NEGR1: variants seen among roughly 807,000 people sequenced by gnomAD.
NEGR1 encodes the protein neuronal growth regulator 1.
In NEGR1, 10 loss-of-function variants were observed where a neutral mutation model predicts 40.9. That is an observed-to-expected ratio of 0.24 (90% confidence interval 0.15 to 0.42). The LOEUF is 0.42. NEGR1 is among the 10% of genes least tolerant of loss of function. The pLI is 1.00. For missense variants in NEGR1, 352 were observed against 438.9 expected, an observed-to-expected ratio of 0.80 and a Z score of 1.77; for synonymous variants, 185 against 166.8, an observed-to-expected ratio of 1.11 and a Z score of -0.84.
In NEGR1 at chr1:71,611,138, T is replaced by C. The variant is rs747152886; in HGVS notation, c.676A>G (p.Thr226Ala). The C allele has an allele frequency of 1.8e-5, 29 of 1,613,512 alleles. No individual in the cohort carries two copies. The highest frequency in any genetic ancestry group is 2.4e-5 in the Non-Finnish European group (28 of 1,179,786). ...KVKVVVNFAP[T>A]IQEIKSGTVT... is the part of the protein sequence containing the mutation. ...GTGCCAGATTTAATTTCCTGAATAG[T>C]AGGAGCAACTGCAAAAGAAACAAAC... is the stretch of plus-strand genomic sequence containing the variant. Residue 226 changes from threonine (T) to alanine (A), a missense_variant, in exon 5 of 7, where the codon ACT becomes GCT. By Grantham distance (58) the Thr-to-Ala change is moderately conservative (BLOSUM62 0). Around this residue, in one of 5 missense-constraint regions of NEGR1, gnomAD observed 184 missense variants for 208.7 expected, o/e 0.88. Transcript: ENST00000357731.
At chr1:72,174,446 G>A (rs1480744548) in intron 1 of NEGR1, among the ~76,000 whole-genome samples, 1 of 152,130 alleles carries the variant, frequency 6.6e-6, no homozygotes. Flanking sequence ...TAGTATTATA[G>A]AGCAGGGAAA....
At chr1:71,482,237 T>C (rs193052054) in intron 6 of NEGR1, among the ~76,000 whole-genome samples, 8 of 151,980 alleles carry the variant, frequency 5.3e-5, no homozygotes, top group East Asian at 3.9e-4. Context: ...AAAGCAGAAC[T>C]ATATTAATAT....
intron 2 of NEGR1, chr1:71,798,359 A>G (rs1657417145): frequency 6.6e-6 from 1 of 152,160 alleles, no homozygotes; most frequent in African/African-American, 2.4e-5. Flanking sequence ...GGTTAAACAT[A>G]AAAAAATGAC....
At chr1:72,264,104 G>A (rs1384025917) in intron 1 of NEGR1, among the ~76,000 whole-genome samples, 8 of 151,330 alleles carry the variant, frequency 5.3e-5, no homozygotes, top group African/African-American at 1.5e-4. Flanking sequence ...CACTGAAAAT[G>A]AAATAAAATC....
intron 1 of NEGR1, among the ~76,000 whole-genome samples, chr1:72,165,268 C>A (rs952339243): frequency 6.6e-6 from 1 of 151,872 alleles, no homozygotes; most frequent in African/African-American, 2.4e-5. Flanking sequence ...TAGCGGTGAA[C>A]CATATTTTGA....
chr1:72,124,827 A>G (rs1649947304), intron 1 of NEGR1, among the ~76,000 whole-genome samples: 1 of 152,088 alleles, frequency 6.6e-6, no homozygotes, highest in South Asian at 2.1e-4. Flanking sequence ...TTCACCATTA[A>G]AAATATTGGT....
At chr1:71,853,747 G>A (rs1235840891) in intron 2 of NEGR1, among the ~76,000 whole-genome samples, 3 of 152,102 alleles carry the variant, frequency 2.0e-5, no homozygotes, top group Non-Finnish European at 4.4e-5. Flanking sequence ...CAGCCATAAA[G>A]TTTTTGTTAT....
chr1:71,963,658 G>GA (rs1646186974), intron 1 of NEGR1, among the ~76,000 whole-genome samples: 1 of 152,110 alleles, frequency 6.6e-6, no homozygotes, highest in Non-Finnish European at 1.5e-5. Context: ...AATATACAGA[G>GA]AGAGTGTGAA....
At chr1:71,434,453 G>A (rs1646492901) in intron 6 of NEGR1, among the ~76,000 whole-genome samples, 1 of 152,152 alleles carries the variant, frequency 6.6e-6, no homozygotes, top group African/African-American at 2.4e-5. Flanking sequence ...GAGCTTGAGT[G>A]ATGAGTATCT....
chr1:72,181,540 A>T (rs1208852798), intron 1 of NEGR1, among the ~76,000 whole-genome samples: 1 of 152,158 alleles, frequency 6.6e-6, no homozygotes, highest in East Asian at 1.9e-4. Flanking sequence ...GAACCACCAT[A>T]TGATGCAGAA....
At chr1:71,680,395 A>G (rs1434105648) in intron 4 of NEGR1, among the ~76,000 whole-genome samples, 1 of 151,892 alleles carries the variant, frequency 6.6e-6, no homozygotes, top group South Asian at 2.1e-4. Context: ...CAATTTATTG[A>G]TTGTTATTAA....
chr1:71,770,798 C>CAACAAATG (rs1038672454), intron 3 of NEGR1, among the ~76,000 whole-genome samples: 1 of 152,094 alleles, frequency 6.6e-6, no homozygotes, highest in Non-Finnish European at 1.5e-5. Flanking sequence ...AGTCAGGAAA[C>CAACAAATG]AACAAATGCT....
At chr1:72,168,702 C>A (rs936782291) in intron 1 of NEGR1, among the ~76,000 whole-genome samples, 3 of 151,942 alleles carry the variant, frequency 2.0e-5, no homozygotes, top group Non-Finnish European at 4.4e-5. Context: ...CAAGCCTGGG[C>A]AACAAGGCAA....
chr1:71,677,767 G>A (rs895402867), intron 4 of NEGR1, among the ~76,000 whole-genome samples: 1 of 152,158 alleles, frequency 6.6e-6, no homozygotes, highest in African/African-American at 2.4e-5. Context: ...GAGAAAGTTA[G>A]TGAGGCTGGA....
intron 1 of NEGR1, among the ~76,000 whole-genome samples, chr1:72,266,106 T>A (rs920808293): frequency 6.6e-6 from 1 of 150,866 alleles, no homozygotes; most frequent in Non-Finnish European, 1.5e-5. Context: ...ATATTAACAT[T>A]TTCTGGGAGT....
At chr1:72,135,891 C>T (rs1428292843) in intron 1 of NEGR1, among the ~76,000 whole-genome samples, 2 of 152,156 alleles carry the variant, frequency 1.3e-5, no homozygotes, top group East Asian at 3.8e-4. Flanking sequence ...TCACAAGGCA[C>T]CTACACATAT....
chr1:71,604,693 A>G (rs1029271444), intron 5 of NEGR1, among the ~76,000 whole-genome samples: 2 of 152,136 alleles, frequency 1.3e-5, no homozygotes, highest in African/African-American at 2.4e-5. Context: ...CATATTCTAC[A>G]AGGTTGACTT....
rs79085555 is a variant in NEGR1, at chr1:71,524,143, G to A, written c.940+68674C>T. The stretch of plus-strand genomic sequence containing the variant: ...CCAGGAAAGAAACTATTTCCTACAT[G>A]CATTATTGAAAGACTAATCATTTAT... On this transcript the variant is annotated intron_variant, in intron 6 of 6. Coordinates refer to ENST00000357731, the MANE Select transcript of NEGR1 (RefSeq NM_173808.3). Among the ~76,000 whole-genome samples, 314 of 151,884 alleles carry A rather than the reference G, an allele frequency of 2.1e-3. 14 individuals carry two copies. In the East Asian group the frequency reaches 0.053, roughly 25 times the overall value.
At chr1:71,560,228 G>T (rs929696867) in intron 6 of NEGR1, among the ~76,000 whole-genome samples, 4 of 150,922 alleles carry the variant, frequency 2.7e-5, no homozygotes, top group Non-Finnish European at 5.9e-5. Flanking sequence ...TTAAAGATGA[G>T]GAATTTCAGC....
Sources: allele counts gnomAD v4.1 joint callset (sites outside exome capture counted in the v4.1 genomes callset), GRCh38; gene constraint gnomAD v4.1.1; regional missense constraint gnomAD v4.1.1; transcripts MANE v1.5; gene names NCBI Gene and HGNC (gene_info 2026-07-23, HGNC 2026-07-21).